Variants in RFX2 observed in about 807,000 individuals in gnomAD.
RFX2 encodes the protein DNA-binding protein RFX2.
In RFX2, 20 loss-of-function variants were observed where a neutral mutation model predicts 87.8. The ratio of observed to expected loss-of-function variants is 0.23; its 90% CI spans 0.16 to 0.33. RFX2 has a LOEUF of 0.33. Ranked by LOEUF, RFX2 falls within the 10% of genes least tolerant of loss-of-function variation. RFX2 has a pLI of 1.00. For missense variants in RFX2, 767 were observed against 1,012.3 expected (o/e 0.76, Z 3.29); for synonymous variants, 397 against 431.3 (o/e 0.92, Z 0.98).
At chr19:6,049,607 T>A (rs2087242345) in intron 1 of RFX2, among the ~76,000 whole-genome samples, 1 of 152,206 alleles carries the variant, frequency 6.6e-6, no homozygotes, top group Non-Finnish European at 1.5e-5. Context: ...TGGCATGATC[T>A]TGGCTCTGCC....
chr19:6,078,236 G>A (rs1318701206), intron 1 of RFX2: 11 of 150,960 alleles, frequency 7.3e-5, no homozygotes, highest in Non-Finnish European at 1.2e-4. Context: ...TCTTTTCGGA[G>A]TGATGAAAAT....
chr19:6,042,056 G>A lies in RFX2; in HGVS notation c.248C>T (p.Thr83Ile). The A allele has an allele frequency of 1.2e-6, 2 of 1,613,916 alleles. No homozygotes were observed. The highest frequency in any genetic ancestry group is 1.7e-6 in the Non-Finnish European group (2 of 1,179,826). The change falls in exon 4 of 18, where the codon ACC becomes ATC. Residue 83 changes from threonine to isoleucine, a missense_variant. Thr to Ile is a moderately conservative substitution (Grantham distance 89). This residue lies in a region of RFX2 where 146 missense variants were observed against 139.2 expected (regional missense o/e 1.05). Coordinates refer to ENST00000303657, the MANE Select transcript of RFX2 (RefSeq NM_000635.4). ...GAGAAGCACGCACATGGCTCCATTG[G>A]TGTAGACGGCGTCTCCCCCTTCCAC... The part of the protein sequence containing the change: ...QYVEGGDAVY[T>I]NGAIRTAYTY...
At chr19:6,048,480 T>C (rs1455395775) in intron 1 of RFX2, among the ~76,000 whole-genome samples, 1 of 152,140 alleles carries the variant, frequency 6.6e-6, no homozygotes, top group African/African-American at 2.4e-5. Flanking sequence ...GTACACACAC[T>C]TAGGTAGGGA....
In RFX2 at chr19:6,039,247, G is replaced by A. The variant is rs945895035; in HGVS notation, c.522+733C>T. Among the ~76,000 whole-genome samples, 1 of 152,160 alleles carries A rather than the reference G, an allele frequency of 6.6e-6. No homozygotes were observed. The highest frequency in any genetic ancestry group is 1.5e-5 in the Non-Finnish European group (1 of 68,030). On this transcript the variant is annotated intron_variant, in intron 5 of 17. Coordinates refer to ENST00000303657, the MANE Select transcript of RFX2 (RefSeq NM_000635.4). The surrounding 1 kb of genome is among the most constrained non-coding windows in gnomAD (Gnocchi z 5.2). Reference sequence around the variant, plus strand: ...CTGTACGATTCCATTTATACACCACGCTAGTAAAGATGAAACTACAGCAAT... The same window carrying A: ...CTGTACGATTCCATTTATACACCACACTAGTAAAGATGAAACTACAGCAAT...
Position 6,044,301 on chromosome 19 carries a change from A to C in RFX2, c.91-19T>G. On this transcript the variant is annotated intron_variant, in intron 2 of 17. Coordinates refer to ENST00000303657, the MANE Select transcript of RFX2 (RefSeq NM_000635.4). The surrounding 1 kb of genome is among the most constrained non-coding windows in gnomAD (Gnocchi z 5.3). ...ACACCCTCTAAAAGGGAAGGGAGAG[A>C]AGGCCAGTTAGACTTGTCAGAGGTC... 1 of 1,483,806 alleles carries C rather than the reference A, an allele frequency of 6.7e-7. No individual in the cohort carries two copies. Among genetic ancestry groups the C allele is most frequent in the Non-Finnish European group, 9.0e-7 (1 of 1,106,960 alleles). The allele number at this position is 1,483,806 out of a possible 1,614,324, so 91.9% of individuals were successfully genotyped here. A position where few individuals can be genotyped will look rare whatever the true frequency, so the allele number is the denominator to read the frequency against.
intron 1 of RFX2, among the ~76,000 whole-genome samples, chr19:6,091,333 A>C (rs769233754): frequency 1.3e-5 from 2 of 152,084 alleles, no homozygotes; most frequent in Non-Finnish European, 2.9e-5. Context: ...TCTACAAAAA[A>C]TTAGCCAGGC....
At position 6,013,013 on chromosome 19, in the gene RFX2, C is replaced by T. The variant is rs746278181; in HGVS notation, c.872G>A (p.Arg291Gln). The part of the protein sequence containing the change: ...LQEDTQYMAM[R>Q]QQPMHQKPRY... Reference sequence around the variant, plus strand: ...GGGCTTCTGGTGCATGGGCTGCTGCCGCATGGCCATGTACTGCGTGTCCTC... The same window carrying T: ...GGGCTTCTGGTGCATGGGCTGCTGCTGCATGGCCATGTACTGCGTGTCCTC... Residue 291 changes from arginine to glutamine, a missense_variant, in exon 8 of 18, where the codon CGG becomes CAG. Transcript: ENST00000303657. The surrounding 1 kb of genome is among the most constrained non-coding windows in gnomAD (Gnocchi z 4.1). The T allele has an allele frequency of 3.1e-5, 49 of 1,582,628 alleles. No individual in the cohort carries two copies. Among genetic ancestry groups the T allele is most frequent in the Middle Eastern group, 1.7e-4 (1 of 5,976 alleles).
At chr19:6,067,205 A>C (rs2087527137) in intron 1 of RFX2, among the ~76,000 whole-genome samples, 1 of 152,232 alleles carries the variant, frequency 6.6e-6, no homozygotes, top group Admixed American at 6.5e-5. Flanking sequence ...TCATAGCTGC[A>C]CAAGTGTTTT....
Position 6,063,474 on chromosome 19 carries a change from C to T in RFX2, c.-8-15970G>A, listed in dbSNP as rs2087468460. ...GGAGGGTGAGGATGGGGTCCATGCACCTGCCAGGGTGGGGATGGACAAGAC... is the reference window on the plus strand; with the variant it reads ...GGAGGGTGAGGATGGGGTCCATGCATCTGCCAGGGTGGGGATGGACAAGAC... On this transcript the variant is annotated intron_variant, in intron 1 of 17. Transcript: ENST00000303657. The surrounding 1 kb of genome is among the most constrained non-coding windows in gnomAD (Gnocchi z 4.0). Among the ~76,000 whole-genome samples the T allele has an allele frequency of 6.6e-6, 1 of 152,158 alleles. No homozygotes were observed. Among genetic ancestry groups the T allele is most frequent in the South Asian group, 2.1e-4 (1 of 4,832 alleles).
At chr19:6,053,658 A>G (rs2087292989) in intron 1 of RFX2, among the ~76,000 whole-genome samples, 1 of 152,158 alleles carries the variant, frequency 6.6e-6, no homozygotes, top group Non-Finnish European at 1.5e-5. Context: ...ACTGCTCTTT[A>G]AAAAAGCAAG....
At position 5,994,723 on chromosome 19, in the gene RFX2, T is replaced by A; in HGVS notation, c.*112A>T. Reference sequence around the variant, plus strand: ...CCGGGAGCCCCCGCTTGAGTCAAAGTAAACATCACATCATCTAAGAGGCAC... The same window carrying A: ...CCGGGAGCCCCCGCTTGAGTCAAAGAAAACATCACATCATCTAAGAGGCAC... On this transcript the variant is annotated 3_prime_UTR_variant, in exon 18 of 18. Coordinates refer to ENST00000303657, the MANE Select transcript of RFX2 (RefSeq NM_000635.4). The A allele has an allele frequency of 1.4e-6, 1 of 704,962 alleles. No homozygotes were observed. 43.7% of individuals were successfully genotyped at this position (704,962 alleles called of 1,614,324 possible). A position where few individuals can be genotyped will look rare whatever the true frequency, so the allele number is the denominator to read the frequency against.
At chr19:6,093,162 T>C (rs2087967036) in intron 1 of RFX2, among the ~76,000 whole-genome samples, 1 of 152,198 alleles carries the variant, frequency 6.6e-6, no homozygotes, top group South Asian at 2.1e-4. Context: ...ATCTCACACG[T>C]GTACACAAAT....
At chr19:6,060,985 G>A (rs1049855480) in intron 1 of RFX2, among the ~76,000 whole-genome samples, 1 of 152,018 alleles carries the variant, frequency 6.6e-6, no homozygotes, top group African/African-American at 2.4e-5. Context: ...CAAGTCCAAG[G>A]GAAACTCTCC....
At chr19:6,073,921 C>T (rs984682699) in intron 1 of RFX2, among the ~76,000 whole-genome samples, 1 of 152,188 alleles carries the variant, frequency 6.6e-6, no homozygotes, top group African/African-American at 2.4e-5. Context: ...CAATAAAAAG[C>T]CACCCAGACC....
rs2087341468 is a variant in RFX2 at position 6,056,372 on chromosome 19, C to G, written c.-8-8868G>C. Among the ~76,000 whole-genome samples, 1 of 152,120 alleles carries G rather than the reference C, an allele frequency of 6.6e-6. No individual in the cohort carries two copies. Among genetic ancestry groups the G allele is most frequent in the African/African-American group, 2.4e-5 (1 of 41,432 alleles). On this transcript the variant is annotated intron_variant, in intron 1 of 17. Coordinates refer to ENST00000303657, the MANE Select transcript of RFX2 (RefSeq NM_000635.4). The surrounding 1 kb of genome is among the most constrained non-coding windows in gnomAD (Gnocchi z 4.6). The stretch of plus-strand genomic sequence containing the variant: ...TTTCCATGATAAGGAGTTAAACAAA[C>G]ACACACACAAGACACCAGCGATGAG...
intron 1 of RFX2, among the ~76,000 whole-genome samples, chr19:6,058,680 C>T (rs575976401): frequency 5.5e-4 from 84 of 152,040 alleles, no homozygotes; most frequent in Non-Finnish European, 1.0e-3. Flanking sequence ...CAAGTATCTT[C>T]AGAATTCAAA....
At chr19:6,073,224 CCCT>C (rs2087634675) in intron 1 of RFX2, 1 of 575,260 alleles carries the variant, frequency 1.7e-6, no homozygotes, top group Non-Finnish European at 3.2e-6. Context: ...AGGTGATCCA[CCCT>C]CCTCAGCCTC....
In RFX2 at chr19:6,089,920, T is replaced by C. The variant is rs114219587; in HGVS notation, c.-9+20473A>G. 4.9e-3 allele frequency among the ~76,000 whole-genome samples: 740 copies of C among 152,300 alleles called. 10 individuals carry two copies. The highest frequency in any genetic ancestry group is 0.017 in the African/African-American group (707 of 41,572). On this transcript the variant is annotated intron_variant, in intron 1 of 17. Transcript: ENST00000303657. ...GATTAGAGAAAATTATTATATGAGA[T>C]AACATCTTTGGATTGTTTGTATAAG...
At chr19:6,032,021 A>G (rs1176545220) in intron 5 of RFX2, among the ~76,000 whole-genome samples, 1 of 152,224 alleles carries the variant, frequency 6.6e-6, no homozygotes, top group Admixed American at 6.5e-5. Context: ...CCTCTGTTCT[A>G]AAACAGAACT....
Sources: allele counts gnomAD v4.1 joint callset (sites outside exome capture counted in the v4.1 genomes callset), GRCh38; gene constraint gnomAD v4.1.1; regional missense constraint gnomAD v4.1.1; non-coding constraint Gnocchi (gnomAD v3.1); transcripts MANE v1.5; gene names NCBI Gene and HGNC (gene_info 2026-07-23, HGNC 2026-07-21).